KNDC1: variants seen among roughly 807,000 people sequenced by gnomAD.
KNDC1 encodes the protein kinase non-catalytic C-lobe domain containing 1.
KNDC1 carries 106 observed loss-of-function variants against 172.8 expected under a neutral mutation model. The observed-to-expected ratio is 0.61, with a 90% CI of 0.52 to 0.72. The LOEUF is 0.72. KNDC1 is among the 30% of genes least tolerant of loss of function. The pLI is 0.00. For missense variants in KNDC1, 2,325 were observed against 2,394.5 expected (o/e 0.97, Z 0.61); for synonymous variants, 1,083 against 1,062.2 (o/e 1.02, Z -0.38).
At chr10:133,174,604 C>A (rs1853472324) in intron 3 of KNDC1, among the ~76,000 whole-genome samples, 1 of 151,584 alleles carries the variant, frequency 6.6e-6, no homozygotes, top group Admixed American at 6.6e-5. Context: ...GAGTGGATGG[C>A]CAGGTGGATG....
intron 9 of KNDC1, among the ~76,000 whole-genome samples, chr10:133,192,651 T>C (rs1564887523): frequency 6.6e-6 from 1 of 152,174 alleles, no homozygotes; most frequent in Non-Finnish European, 1.5e-5. Flanking sequence ...TAGAGCTGAT[T>C]TTTTAAAAAA....
intron 3 of KNDC1, among the ~76,000 whole-genome samples, chr10:133,176,045 G>A (rs550816588): frequency 2.6e-5 from 4 of 151,502 alleles, no homozygotes; most frequent in African/African-American, 9.7e-5. Flanking sequence ...TGAATGGATA[G>A]ATAGATGGGT....
chr10:133,213,112 G>T (rs949646754), intron 24 of KNDC1, among the ~76,000 whole-genome samples, 190 bp downstream of exon 24: 2 of 148,586 alleles, frequency 1.3e-5, no homozygotes, highest in African/African-American at 4.9e-5. Flanking sequence ...TCAATGGGAG[G>T]CCCCAGCAAA....
In KNDC1 at chr10:133,225,552, C is replaced by T. The variant is rs1363739441; in HGVS notation, c.*662C>T. ...AGGCACCTTGGGCTGGGCCTGCTCC[C>T]CCAGGGCCCAGGGCCCCCCAGCTTA... On this transcript the variant is annotated 3_prime_UTR_variant, in exon 30 of 30. Coordinates refer to ENST00000304613, the MANE Select transcript of KNDC1 (RefSeq NM_152643.8). The T allele has an allele frequency of 6.5e-6, 1 of 153,108 alleles. No individual in the cohort carries two copies. Among genetic ancestry groups the T allele is most frequent in the Non-Finnish European group, 1.5e-5 (1 of 68,762 alleles). 9.5% of individuals were successfully genotyped at this position (153,108 alleles called of 1,614,324 possible).
At position 133,211,652 on chromosome 10, in the gene KNDC1, C is replaced by T. The variant is rs369114673; in HGVS notation, c.4057-27C>T. On this transcript the variant is annotated intron_variant, in intron 22 of 29. Transcript: ENST00000304613. Reference sequence around the variant, plus strand: ...GCCCTCCTCCAGAAGGTGGCAGTGACCCCCCCACCACTGTGCTTCTGCCTA... The same window carrying T: ...GCCCTCCTCCAGAAGGTGGCAGTGATCCCCCCACCACTGTGCTTCTGCCTA... 4.4e-6 allele frequency: 7 copies of T among 1,585,808 alleles called. No individual in the cohort carries two copies. In the African/African-American group the frequency reaches 9.4e-5, roughly 21 times the overall value.
At chr10:133,180,464 C>T (rs575594087) in intron 3 of KNDC1, among the ~76,000 whole-genome samples, 6 of 152,380 alleles carry the variant, frequency 3.9e-5, no homozygotes, top group South Asian at 4.1e-4. Context: ...TGGTGCCAGC[C>T]GGAGGGTGCC....
chr10:133,188,493 C>CT (rs1853982612), intron 6 of KNDC1, 46 bp from the exon 7 acceptor site: 1 of 1,334,618 alleles, frequency 7.5e-7, no homozygotes, highest in East Asian at 2.5e-5. Context: ...GCGGCGGGCC[C>CT]TGGCAAGGGG....
intron 20 of KNDC1, among the ~76,000 whole-genome samples, chr10:133,207,726 G>C (rs1043383794): frequency 2.0e-5 from 3 of 152,370 alleles, no homozygotes; most frequent in Middle Eastern, 6.8e-3. Flanking sequence ...GGGGTAATTA[G>C]CTCCAGGGAC....
chr10:133,205,215 C>A (rs1845153213), intron 17 of KNDC1, among the ~76,000 whole-genome samples: 1 of 152,204 alleles, frequency 6.6e-6, no homozygotes, highest in Non-Finnish European at 1.5e-5. Context: ...AGTGCTCAGA[C>A]GAGGGCTGCC....
chr10:133,168,462 A>G lies in KNDC1; in HGVS notation c.360+150A>G. ...CCGCTGCTGCCCGGTTCACTGGGCT[A>G]TAGGGACGGCCTCTGGGGCACACCC... is the stretch of plus-strand genomic sequence containing the variant. On this transcript the variant is annotated intron_variant, in intron 3 of 29. Transcript: ENST00000304613. 5.1e-6 allele frequency: 4 copies of G among 791,438 alleles called. No homozygotes were observed. In the Admixed American group the frequency reaches 8.5e-5, roughly 17 times the overall value. The allele number at this position is 791,438 out of a possible 1,614,324, so 49.0% of individuals were successfully genotyped here.
At chr10:133,215,988 A>G (rs1404982950) in intron 26 of KNDC1, among the ~76,000 whole-genome samples, 1 of 152,202 alleles carries the variant, frequency 6.6e-6, no homozygotes, top group Non-Finnish European at 1.5e-5. Context: ...CCACTTCTAA[A>G]AGCACCACGC....
chr10:133,186,976 AT>A (rs1263750703), intron 6 of KNDC1, among the ~76,000 whole-genome samples: 1 of 152,078 alleles, frequency 6.6e-6, no homozygotes, highest in Non-Finnish European at 1.5e-5. Context: ...GTCCCGAGGG[AT>A]TAATTTTCTT....
rs1845308681 is a variant in KNDC1 at position 133,209,469 on chromosome 10, TGTGTGCGC to T, written c.3795-1136_3795-1129del. The stretch of plus-strand genomic sequence containing the variant: ...GTGTGGTGTGGGGTATAGTGTGGCT[TGTGTGCGC>T]GTGTGTGGTGTGCGCGTCTGGTTGT... On this transcript the variant is annotated intron_variant, in intron 20 of 29. Transcript: ENST00000304613. The surrounding 1 kb of genome is among the most constrained non-coding windows in gnomAD (Gnocchi z 4.9). Among the ~76,000 whole-genome samples, 1 of 151,274 alleles carries T rather than the reference TGTGTGCGC, an allele frequency of 6.6e-6. No homozygotes were observed. The highest frequency in any genetic ancestry group is 2.4e-5 in the African/African-American group (1 of 41,038).
At chr10:133,198,186 G>A in intron 12 of KNDC1, 151 bp from the exon 13 acceptor site, 1 of 948,482 alleles carries the variant, frequency 1.1e-6, no homozygotes, top group African/African-American at 1.7e-5. Context: ...CCCATTCCAG[G>A]GCCCAGCACA....
At chr10:133,218,743 G>A (rs1845519853) in intron 26 of KNDC1, 88 bp from the exon 27 acceptor site, 1 of 1,493,016 alleles carries the variant, frequency 6.7e-7, no homozygotes, top group Admixed American at 1.8e-5. Context: ...CTTGTGTCTT[G>A]GAGCTGGGTG....
chr10:133,189,950 G>A, intron 9 of KNDC1, 137 bp downstream of exon 9: 1 of 756,874 alleles, frequency 1.3e-6, no homozygotes, highest in Non-Finnish European at 2.3e-6. Flanking sequence ...GCCACAGGCG[G>A]TATCTGCCAG....
chr10:133,213,671 C>G lies in KNDC1; in HGVS notation c.4470C>G (p.Val1490=), dbSNP rs1324238067. 6.2e-7 allele frequency: 1 copy of G among 1,614,104 alleles called. No individual in the cohort carries two copies. The highest frequency in any genetic ancestry group is 8.5e-7 in the Non-Finnish European group (1 of 1,179,974). Residue 1490 remains valine (V), a synonymous_variant, in exon 25 of 30, where the codon GTC becomes GTG. Coordinates refer to ENST00000304613, the MANE Select transcript of KNDC1 (RefSeq NM_152643.8). Reference sequence around the variant, plus strand: ...AGTTGTTTCAAAAGTGCCACCCGGTCCACTTCCTGAACTCACGGGCCCTGG... The same window carrying G: ...AGTTGTTTCAAAAGTGCCACCCGGTGCACTTCCTGAACTCACGGGCCCTGG... ...QQELFQKCHP[V]HFLNSRALGV...
At chr10:133,190,324 GCACCCTGCACTAAA>G (rs1380100394) in intron 9 of KNDC1, among the ~76,000 whole-genome samples, 4 of 50,580 alleles carry the variant, frequency 7.9e-5, no homozygotes, top group South Asian at 1.6e-3. Flanking sequence ...CCTGCAGTAA[GCACCCTGCACTAAA>G]CACCCTGCAC....
At chr10:133,200,980 T>C (rs1854347058) in intron 16 of KNDC1, among the ~76,000 whole-genome samples, 1 of 152,138 alleles carries the variant, frequency 6.6e-6, no homozygotes, top group Admixed American at 6.5e-5. Context: ...CCTCAGGCTG[T>C]CCGTAGTCGT....
Sources: allele counts gnomAD v4.1 joint callset (sites outside exome capture counted in the v4.1 genomes callset), GRCh38; gene constraint gnomAD v4.1.1; non-coding constraint Gnocchi (gnomAD v3.1); transcripts MANE v1.5; gene names NCBI Gene and HGNC (gene_info 2026-07-23, HGNC 2026-07-21).